PDE4D: variants seen among roughly 807,000 people sequenced by gnomAD.
PDE4D encodes phosphodiesterase 4D, also known as 3',5'-cyclic-AMP phosphodiesterase 4D.
Under a neutral mutation model 87.4 loss-of-function variants are expected in PDE4D, and 24 were observed. That is an observed-to-expected ratio of 0.27 (90% CI 0.20 to 0.39). The LOEUF (loss-of-function observed/expected upper bound fraction) is 0.39. PDE4D is among the 10% of genes least tolerant of loss of function. The pLI is 1.00. For synonymous variants in PDE4D, 384 were observed against 383.2 expected (o/e 1.00, Z -0.02); for missense variants, 714 against 1,041.0 (o/e 0.69, Z 4.32).
chr5:60,304,989 T>G (rs889279707), intron 1 of PDE4D, among the ~76,000 whole-genome samples: 10 of 150,508 alleles, frequency 6.6e-5, no homozygotes, highest in Non-Finnish European at 8.8e-5. Context: ...TAAAATTGAG[T>G]AATATATATA....
intron 1 of PDE4D, among the ~76,000 whole-genome samples, chr5:59,735,686 A>C (rs1185684170): frequency 6.6e-6 from 1 of 151,736 alleles, no homozygotes; most frequent in Non-Finnish European, 1.5e-5. Flanking sequence ...TTTTTTTTCG[A>C]GACAGAATCT....
At chr5:59,303,503 C>G (rs781101453) in intron 1 of PDE4D, among the ~76,000 whole-genome samples, 1 of 152,120 alleles carries the variant, frequency 6.6e-6, no homozygotes, top group Non-Finnish European at 1.5e-5. Flanking sequence ...AAGTTATCTT[C>G]TAAAATTTCA....
At chr5:60,496,565 A>C (rs2150241310) in intron 1 of PDE4D, among the ~76,000 whole-genome samples, 1 of 152,288 alleles carries the variant, frequency 6.6e-6, no homozygotes, top group South Asian at 2.1e-4. Context: ...AGCTGTTTGT[A>C]CTCACATAAT....
intron 1 of PDE4D, among the ~76,000 whole-genome samples, chr5:59,604,512 G>A (rs922705629): frequency 7.9e-5 from 12 of 151,940 alleles, no homozygotes; most frequent in African/African-American, 2.7e-4. Context: ...TGGGAGGGTC[G>A]ACTGTAAACA....
At chr5:60,044,783 G>C (rs1457848770) in intron 2 of PDE4D, among the ~76,000 whole-genome samples, 1 of 152,142 alleles carries the variant, frequency 6.6e-6, no homozygotes, top group Non-Finnish European at 1.5e-5. Context: ...ATTTGGGTTG[G>C]TTCCAAGTCT....
At chr5:59,095,042 A>T (rs1295544912) in intron 5 of PDE4D, among the ~76,000 whole-genome samples, 1 of 152,096 alleles carries the variant, frequency 6.6e-6, no homozygotes. Context: ...GAGACCTCTG[A>T]AAAGATGGCT....
At chr5:59,081,240 A>C (rs773560728) in intron 5 of PDE4D, among the ~76,000 whole-genome samples, 10 of 152,160 alleles carry the variant, frequency 6.6e-5, no homozygotes, top group Non-Finnish European at 1.2e-4. Context: ...ATAATATATA[A>C]GCAATATTTT....
At chr5:60,035,539 C>T (rs16890455) in intron 2 of PDE4D, among the ~76,000 whole-genome samples, 31,854 of 151,922 alleles carry the variant, frequency 0.21, 3,892 homozygotes, top group African/African-American at 0.35. Flanking sequence ...TCAAGTTAGG[C>T]GGAGTCTTAT....
chr5:60,421,825 T>C (rs1447449373), intron 1 of PDE4D, among the ~76,000 whole-genome samples: 1 of 152,128 alleles, frequency 6.6e-6, no homozygotes, highest in Non-Finnish European at 1.5e-5. Context: ...CAAATTAGAA[T>C]AAACAGTGTA....
intron 1 of PDE4D, among the ~76,000 whole-genome samples, chr5:59,756,290 A>G (rs1048702696): frequency 6.6e-6 from 1 of 152,128 alleles, no homozygotes; most frequent in African/African-American, 2.4e-5. Context: ...AGTCATCAGA[A>G]TTTAACAAGC....
chr5:60,467,109 TG>T (rs1747416326), intron 1 of PDE4D, among the ~76,000 whole-genome samples: 1 of 151,962 alleles, frequency 6.6e-6, no homozygotes. Flanking sequence ...GCGTGATCTC[TG>T]CTCACTGCAA....
intron 1 of PDE4D, among the ~76,000 whole-genome samples, chr5:59,854,960 T>C (rs1223931159): frequency 6.6e-6 from 1 of 152,128 alleles, no homozygotes; most frequent in African/African-American, 2.4e-5. Flanking sequence ...AATTACTCTG[T>C]TTCAAAGATG....
intron 1 of PDE4D, chr5:59,529,067 T>C: frequency 2.1e-6 from 1 of 470,622 alleles, no homozygotes; most frequent in Non-Finnish European, 4.3e-6. Context: ...CTTAATTCGT[T>C]GGACCTATGC....
chr5:60,194,134 G>C (rs755929960), intron 1 of PDE4D, among the ~76,000 whole-genome samples: 2 of 151,060 alleles, frequency 1.3e-5, no homozygotes, highest in Non-Finnish European at 3.0e-5. Flanking sequence ...TCAAAATCAA[G>C]CTATTTGAAA....
At position 59,983,563 on chromosome 5, in the gene PDE4D, C is replaced by T. The variant is rs549758130; in HGVS notation, c.272+4925G>A. Among the ~76,000 whole-genome samples, 7 of 152,140 alleles carry T rather than the reference C, an allele frequency of 4.6e-5. No homozygotes were observed. The East Asian group carries it at 1.4e-3, about 30-fold the overall frequency. ...TGAACAAATGTCTGAATGGTCATAA[C>T]ACAAAGAAGATATCCAAATGTTCAA... On this transcript the variant is annotated intron_variant, in intron 3 of 16. Coordinates refer to the PDE4D transcript ENST00000502484.
chr5:59,778,288 G>A (rs768711864), intron 1 of PDE4D, among the ~76,000 whole-genome samples: 5 of 152,160 alleles, frequency 3.3e-5, no homozygotes, highest in Non-Finnish European at 5.9e-5. Context: ...GTATGCATCC[G>A]CCAACTCAAT....
intron 5 of PDE4D, among the ~76,000 whole-genome samples, chr5:59,131,879 T>C (rs77080392): frequency 1.8e-3 from 269 of 152,288 alleles, no homozygotes; most frequent in African/African-American, 4.9e-3. Flanking sequence ...CTGGGAACCA[T>C]TGACTTAGCA....
intron 2 of PDE4D, among the ~76,000 whole-genome samples, chr5:60,118,561 T>TTGTGTGTGTGTGTGTGTG (rs34503506): frequency 7.6e-5 from 11 of 144,302 alleles, no homozygotes; most frequent in African/African-American, 2.8e-4. Flanking sequence ...TGGATGTAGG[T>TTGTGTGTGTGTGTGTGTG]TGTGTGTGTG....
chr5:59,874,639 A>G (rs990423042), intron 1 of PDE4D, among the ~76,000 whole-genome samples: 1 of 152,204 alleles, frequency 6.6e-6, no homozygotes, highest in Non-Finnish European at 1.5e-5. Context: ...AGAACCAGCA[A>G]TACTGTACCC....
Sources: allele counts gnomAD v4.1 joint callset (sites outside exome capture counted in the v4.1 genomes callset), GRCh38; gene constraint gnomAD v4.1.1; transcripts MANE v1.5; gene names NCBI Gene and HGNC (gene_info 2026-07-23, HGNC 2026-07-21).